The following KLRF1 variants were observed in gnomAD, a reference collection of about 807,000 sequenced individuals.
KLRF1 encodes the protein killer cell lectin-like receptor subfamily F member 1.
Under a neutral mutation model 30.7 loss-of-function variants are expected in KLRF1, and 27 were observed. The ratio of observed to expected loss-of-function variants is 0.88; its 90% CI spans 0.65 to 1.21. KLRF1 has a LOEUF of 1.21. KLRF1 is among the 50% of genes most tolerant of loss of function. The pLI, the probability that KLRF1 is intolerant of heterozygous loss-of-function variation, is 0.00. For synonymous variants in KLRF1, 92 were observed against 89.3 expected (o/e 1.03, Z -0.17); for missense variants, 246 against 259.3 (o/e 0.95, Z 0.35).
the KLRF1 span, among the ~76,000 whole-genome samples, chr12:9,808,720 A>ATAT: frequency 6.6e-6 from 1 of 152,152 alleles, no homozygotes; most frequent in African/African-American, 2.4e-5. Flanking sequence ...ATAGTTAGCT[A>ATAT]AGTCTTAGTA....
At chr12:9,840,535 CAAAG>C (rs1867677696) in intron 3 of KLRF1, among the ~76,000 whole-genome samples, 3 of 151,824 alleles carry the variant, frequency 2.0e-5, no homozygotes, top group Non-Finnish European at 2.9e-5. Context: ...CTAGGAAAAT[CAAAG>C]AACTTCATAA....
chr12:9,824,164 C>CA (rs142001485), upstream of KLRF1, among the ~76,000 whole-genome samples: 1,382 of 151,572 alleles, frequency 9.1e-3, 23 homozygotes, highest in African/African-American at 0.032. Flanking sequence ...AGAAGCACAA[C>CA]AAAAAAAAGA....
chr12:9,801,995 G>C, the KLRF1 span, among the ~76,000 whole-genome samples: 1 of 151,948 alleles, frequency 6.6e-6, no homozygotes, highest in African/African-American at 2.4e-5. Flanking sequence ...TCTGAGGCCA[G>C]AATCATCCCG....
the KLRF1 span, among the ~76,000 whole-genome samples, chr12:9,810,535 A>G: frequency 1.3e-5 from 2 of 152,206 alleles, no homozygotes; most frequent in South Asian, 4.1e-4. Context: ...ACAGTGTCTG[A>G]CATGTAATAA....
the KLRF1 span, among the ~76,000 whole-genome samples, chr12:9,805,392 G>A: frequency 5.3e-5 from 8 of 151,948 alleles, no homozygotes; most frequent in Non-Finnish European, 8.8e-5. Flanking sequence ...AAGGACCCAA[G>A]CTAATTCCCT....
At chr12:9,836,925 G>GTA (rs1305265282) in intron 3 of KLRF1, among the ~76,000 whole-genome samples, 1 of 152,036 alleles carries the variant, frequency 6.6e-6, no homozygotes, top group Non-Finnish European at 1.5e-5. Flanking sequence ...TATAAATACT[G>GTA]TATATTGAGC....
the KLRF1 span, among the ~76,000 whole-genome samples, chr12:9,816,518 T>C: frequency 6.6e-6 from 1 of 151,968 alleles, no homozygotes; most frequent in Non-Finnish European, 1.5e-5. Flanking sequence ...AATACCCTGG[T>C]TAGCCAGTTA....
intron 3 of KLRF1, among the ~76,000 whole-genome samples, chr12:9,840,306 C>A (rs1867672505): frequency 6.6e-6 from 1 of 151,970 alleles, no homozygotes; most frequent in Non-Finnish European, 1.5e-5. Context: ...AAAGCCACAG[C>A]ACTTGCACTT....
At chr12:9,806,855 A>T in the KLRF1 span, among the ~76,000 whole-genome samples, 2 of 151,898 alleles carry the variant, frequency 1.3e-5, no homozygotes, top group Admixed American at 1.3e-4. Context: ...TAACTTTTAA[A>T]AGCATTTTGT....
At position 9,836,190 on chromosome 12, in the gene KLRF1, A is replaced by G. The variant is rs115826885; in HGVS notation, c.334+2738A>G. ...ACATAAGAATGGGAATGATCCCTTC[A>G]TTCTATTAGGTCTGTTTGTCCTTAC... is the stretch of plus-strand genomic sequence containing the variant. On this transcript the variant is annotated intron_variant, in intron 3 of 5. Coordinates refer to ENST00000617889, the MANE Select transcript of KLRF1 (RefSeq NM_016523.3). Among the ~76,000 whole-genome samples the G allele has an allele frequency of 3.5e-3, 526 of 152,162 alleles. 2 individuals carry two copies. The highest frequency in any genetic ancestry group is 0.012 in the African/African-American group (501 of 41,538).
chr12:9,817,678 T>A, the KLRF1 span: 1 of 252,656 alleles, frequency 4.0e-6, no homozygotes, highest in African/African-American at 2.3e-5. Context: ...GCCTTCCTCT[T>A]CCTCAGTGGC....
At chr12:9,821,408 C>T in the KLRF1 span, among the ~76,000 whole-genome samples, 1 of 152,202 alleles carries the variant, frequency 6.6e-6, no homozygotes, top group African/African-American at 2.4e-5. Flanking sequence ...ATCCATACCC[C>T]CATCAAGCAA....
intron 1 of KLRF1, among the ~76,000 whole-genome samples, chr12:9,831,532 G>C (rs775576655): frequency 2.0e-4 from 30 of 152,066 alleles, no homozygotes; most frequent in Non-Finnish European, 4.0e-4. Context: ...TATTATGATA[G>C]ATTTACATAA....
chr12:9,827,148 A>G (rs767151335), upstream of KLRF1, among the ~76,000 whole-genome samples: 1 of 152,302 alleles, frequency 6.6e-6, no homozygotes, highest in Admixed American at 6.5e-5. Flanking sequence ...TATGTTAGGG[A>G]GGCTAATTCA....
At chr12:9,806,534 A>G in the KLRF1 span, among the ~76,000 whole-genome samples, 1 of 152,100 alleles carries the variant, frequency 6.6e-6, no homozygotes, top group Non-Finnish European at 1.5e-5. Flanking sequence ...TGTAGATGGC[A>G]TATAGTTGGA....
At chr12:9,841,597 T>C (rs756764530) in intron 3 of KLRF1, among the ~76,000 whole-genome samples, 2 of 152,240 alleles carry the variant, frequency 1.3e-5, no homozygotes, top group South Asian at 4.1e-4. Context: ...TCCCATTATG[T>C]CTAGGTTTTG....
intron 3 of KLRF1, among the ~76,000 whole-genome samples, chr12:9,834,205 A>G (rs1867517788): frequency 6.6e-6 from 1 of 151,930 alleles, no homozygotes; most frequent in South Asian, 2.1e-4. Context: ...TTATGGTGGA[A>G]TGTCATCAGT....
At chr12:9,806,312 G>T in the KLRF1 span, among the ~76,000 whole-genome samples, 1 of 152,034 alleles carries the variant, frequency 6.6e-6, no homozygotes, top group South Asian at 2.1e-4. Flanking sequence ...GCTGTAAGTT[G>T]TTTAAGTTCC....
chr12:9,814,306 G>C, the KLRF1 span, among the ~76,000 whole-genome samples: 103 of 152,314 alleles, frequency 6.8e-4, no homozygotes, highest in African/African-American at 2.3e-3. Flanking sequence ...GCTGCGCACC[G>C]ACAGGCTTTC....
Sources: allele counts gnomAD v4.1 joint callset (sites outside exome capture counted in the v4.1 genomes callset), GRCh38; gene constraint gnomAD v4.1.1; transcripts MANE v1.5; gene names NCBI Gene and HGNC (gene_info 2026-07-23, HGNC 2026-07-21).